EYA4: variants seen among roughly 807,000 people sequenced by gnomAD.
EYA4 encodes protein phosphatase EYA4.
A neutral mutation model predicts 87.9 loss-of-function variants in EYA4; 31 were observed. That is an observed-to-expected ratio of 0.35 (90% confidence interval 0.27 to 0.48). The LOEUF is 0.48. Among genes scored for constraint, EYA4 ranks in the 20% least tolerant of loss-of-function variants. The pLI is 0.99. For missense variants in EYA4, 678 were observed against 761.4 expected (o/e 0.89, Z 1.29); for synonymous variants, 263 against 270.6 (o/e 0.97, Z 0.28).
intron 2 of EYA4, among the ~76,000 whole-genome samples, chr6:133,311,666 T>C (rs1780228459): frequency 6.6e-6 from 1 of 152,194 alleles, no homozygotes. Context: ...AGCCCTTCAG[T>C]AGCTAGCTCC....
At chr6:133,523,660 T>G (rs1800381322) in intron 18 of EYA4, among the ~76,000 whole-genome samples, 1 of 152,156 alleles carries the variant, frequency 6.6e-6, no homozygotes, top group Non-Finnish European at 1.5e-5. Flanking sequence ...CGACTGGAAA[T>G]CTGCATTTCC....
chr6:133,518,776 C>G (rs894198429), intron 17 of EYA4, among the ~76,000 whole-genome samples: 1 of 152,066 alleles, frequency 6.6e-6, no homozygotes, highest in Non-Finnish European at 1.5e-5. Flanking sequence ...TGTAAAAGAA[C>G]AGAAATTATA....
chr6:133,323,423 T>C, intron 2 of EYA4, among the ~76,000 whole-genome samples: 1 of 152,166 alleles, frequency 6.6e-6, no homozygotes, highest in East Asian at 1.9e-4. Context: ...TGCTGCTTCC[T>C]TCAAAAATTT....
At chr6:133,360,012 A>T (rs1784339601) in intron 2 of EYA4, among the ~76,000 whole-genome samples, 1 of 152,206 alleles carries the variant, frequency 6.6e-6, no homozygotes, top group African/African-American at 2.4e-5. Flanking sequence ...CATCTGAAGA[A>T]GGTAGCCCAG....
intron 3 of EYA4, among the ~76,000 whole-genome samples, chr6:133,442,479 T>A (rs1271947116): frequency 2.0e-5 from 3 of 151,844 alleles, no homozygotes; most frequent in African/African-American, 7.3e-5. Context: ...TTTTTTAGGG[T>A]TTTTTTTAGT....
At position 133,274,785 on chromosome 6, in the gene EYA4, A is replaced by G. The variant is rs780081930; in HGVS notation, c.5A>G (p.Glu2Gly). The G allele has an allele frequency of 1.1e-5, 17 of 1,613,736 alleles. No homozygotes were observed. Among genetic ancestry groups the G allele is most frequent in the Middle Eastern group, 1.7e-4 (1 of 6,056 alleles). Residue 2 changes from glutamate (E) to glycine (G), a missense_variant, in exon 2 of 20, where the codon GAA (glutamate) becomes GGA (glycine). Physicochemically the swap from Glu to Gly is moderately conservative, Grantham distance 98. Transcript: ENST00000355286. M[E>G]DSQDLNEQSV... ...CAGGAGAAGTGAGAAAACCACATGG[A>G]AGACTCCCAGGATTTAAATGAACAA...
chr6:133,306,862 C>G (rs925329988), intron 2 of EYA4, among the ~76,000 whole-genome samples: 2 of 152,108 alleles, frequency 1.3e-5, no homozygotes, highest in South Asian at 4.1e-4. Flanking sequence ...AAATAAGTAT[C>G]ACATGTATTT....
rs1324304571 is a variant in EYA4, at chr6:133,529,603, C to T, written c.*798C>T. ...AGTCAAGCTCTCAGAGCTTAATTAC[C>T]GCATCAGCAAGAAACTGAGTATTTT... On this transcript the variant is annotated 3_prime_UTR_variant, in exon 20 of 20. Transcript: ENST00000355286. The T allele has an allele frequency of 1.2e-5, 12 of 984,844 alleles. No homozygotes were observed. Among genetic ancestry groups the T allele is most frequent in the African/African-American group, 5.3e-5 (3 of 57,044 alleles). The allele number at this position is 984,844 out of a possible 1,614,324, so 61.0% of individuals were successfully genotyped here.
At chr6:133,313,179 T>G (rs191764067) in intron 2 of EYA4, among the ~76,000 whole-genome samples, 1 of 152,312 alleles carries the variant, frequency 6.6e-6, no homozygotes, top group East Asian at 1.9e-4. Context: ...GAGCTTGCTT[T>G]GTTAACTTTT....
In EYA4 at chr6:133,369,625, A is replaced by G. The variant is rs76912996; in HGVS notation, c.34-12767A>G. On this transcript the variant is annotated intron_variant, in intron 2 of 19. Coordinates refer to ENST00000355286, the MANE Select transcript of EYA4 (RefSeq NM_004100.5). ...TCTTACATACCTTGTCTTATCCAAA[A>G]AAACGAGAACAAACAAAAATGTAAA... Among the ~76,000 whole-genome samples, 790 of 152,352 alleles carry G rather than the reference A, an allele frequency of 5.2e-3. 5 individuals carry two copies. Among genetic ancestry groups the G allele is most frequent in the Non-Finnish European group, 6.5e-3 (439 of 68,036 alleles).
chr6:133,248,758 C>G (rs1774633430), intron 1 of EYA4: 2 of 152,146 alleles, frequency 1.3e-5, no homozygotes, highest in Admixed American at 1.3e-4. Context: ...GAATCACATT[C>G]AGATTTCCTT....
At chr6:133,483,919 T>G (rs913099539) in intron 13 of EYA4, among the ~76,000 whole-genome samples, 1 of 151,978 alleles carries the variant, frequency 6.6e-6, no homozygotes, top group Admixed American at 6.6e-5. Flanking sequence ...AGACGGGGTT[T>G]CACCATGTTG....
At chr6:133,503,911 C>T (rs1460137293) in intron 13 of EYA4, among the ~76,000 whole-genome samples, 1 of 151,938 alleles carries the variant, frequency 6.6e-6, no homozygotes, top group Non-Finnish European at 1.5e-5. Flanking sequence ...CACAAACTGG[C>T]ACTTATTAAT....
chr6:133,243,012 C>T (rs1467658800), intron 1 of EYA4, among the ~76,000 whole-genome samples: 3 of 152,076 alleles, frequency 2.0e-5, no homozygotes, highest in Non-Finnish European at 2.9e-5. Context: ...GCAGGTCCCT[C>T]TGCCCTTTCT....
chr6:133,278,072 G>A (rs942737606), intron 2 of EYA4, among the ~76,000 whole-genome samples: 6 of 151,780 alleles, frequency 4.0e-5, no homozygotes, highest in Admixed American at 1.3e-4. Context: ...GTGTCATCAA[G>A]CATACAGAGC....
intron 3 of EYA4, among the ~76,000 whole-genome samples, chr6:133,409,392 A>C (rs758952302): frequency 1.3e-5 from 2 of 151,942 alleles, no homozygotes; most frequent in Non-Finnish European, 2.9e-5. Context: ...GACAACATGG[A>C]TGAACCTGGA....
At chr6:133,475,141 T>C (rs1342196017) in intron 11 of EYA4, among the ~76,000 whole-genome samples, 2 of 152,124 alleles carry the variant, frequency 1.3e-5, no homozygotes, top group Non-Finnish European at 2.9e-5. Context: ...CATTATTTAA[T>C]TTACCTTATT....
intron 18 of EYA4, among the ~76,000 whole-genome samples, chr6:133,523,785 A>T (rs1800393740): frequency 6.6e-6 from 1 of 152,166 alleles, no homozygotes; most frequent in South Asian, 2.1e-4. Flanking sequence ...CTTCTAATAA[A>T]CATTCAAAAG....
Position 133,528,863 on chromosome 6 carries a change from T to C in EYA4, c.*58T>C. On this transcript the variant is annotated 3_prime_UTR_variant, in exon 20 of 20. Coordinates refer to ENST00000355286, the MANE Select transcript of EYA4 (RefSeq NM_004100.5). ...ATTTCAAGTACACTGAATTTTTATG[T>C]GTGATTCAATGCCTCTGGCTCTACA... 6.2e-7 allele frequency: 1 copy of C among 1,611,176 alleles called. No individual in the cohort carries two copies. Among genetic ancestry groups the C allele is most frequent in the East Asian group, 2.2e-5 (1 of 44,822 alleles).
Sources: allele counts gnomAD v4.1 joint callset (sites outside exome capture counted in the v4.1 genomes callset), GRCh38; gene constraint gnomAD v4.1.1; transcripts MANE v1.5; gene names NCBI Gene and HGNC (gene_info 2026-07-23, HGNC 2026-07-21).